Variants in ZNF827 observed in about 807,000 individuals in gnomAD.
ZNF827 encodes the protein zinc finger protein 827.
ZNF827 carries 13 observed loss-of-function variants against 102.4 expected under a neutral mutation model. That is an observed-to-expected ratio of 0.13 (90% confidence interval 0.08 to 0.20). The LOEUF (loss-of-function observed/expected upper bound fraction) is 0.20, where lower values mean the gene tolerates loss of function less well. Ranked by LOEUF, ZNF827 falls within the 10% of genes least tolerant of loss-of-function variation. ZNF827 has a pLI of 1.00. For synonymous variants in ZNF827, 523 were observed against 536.2 expected, an observed-to-expected ratio of 0.98 and a Z score of 0.34; for missense variants, 1,103 against 1,344.4, an observed-to-expected ratio of 0.82 and a Z score of 2.81.
In ZNF827 at chr4:145,885,347, C is replaced by G. The variant is rs115685090; in HGVS notation, c.1747+331G>C. 1.3e-5 allele frequency among the ~76,000 whole-genome samples: 2 copies of G among 151,974 alleles called. 1 individual carries two copies. Among genetic ancestry groups the G allele is most frequent in the South Asian group, 4.1e-4 (2 of 4,824 alleles). ...ATGTTAAACAGGGCCCAATGTCACA[C>G]AAGCAACTGACACAAGCCTGGCTTA... On this transcript the variant is annotated intron_variant, in intron 4 of 14. Transcript: ENST00000508784.
At chr4:145,852,627 C>G (rs891137961) in intron 5 of ZNF827, among the ~76,000 whole-genome samples, 1 of 152,072 alleles carries the variant, frequency 6.6e-6, no homozygotes, top group Admixed American at 6.5e-5. Flanking sequence ...TTCTCAACCT[C>G]GGTACTACTG....
chr4:145,875,695 C>T (rs1367054252), intron 4 of ZNF827, among the ~76,000 whole-genome samples: 1 of 152,138 alleles, frequency 6.6e-6, no homozygotes, highest in Non-Finnish European at 1.5e-5. Flanking sequence ...TCCTTCAGTT[C>T]AACGTATGGC....
chr4:145,829,655 C>T (rs1223464973), intron 7 of ZNF827, among the ~76,000 whole-genome samples: 1 of 152,190 alleles, frequency 6.6e-6, no homozygotes, highest in Non-Finnish European at 1.5e-5. Flanking sequence ...GAAGTCCCAG[C>T]GTGGGGTACA....
chr4:145,839,810 C>T (rs1354921248), intron 7 of ZNF827, among the ~76,000 whole-genome samples: 4 of 152,118 alleles, frequency 2.6e-5, no homozygotes, highest in African/African-American at 4.8e-5. Context: ...GTTATAAAAA[C>T]GAGAGAATAC....
At chr4:145,812,973 A>C (rs1004929218) in intron 8 of ZNF827, among the ~76,000 whole-genome samples, 2 of 152,176 alleles carry the variant, frequency 1.3e-5, no homozygotes, top group African/African-American at 4.8e-5. Flanking sequence ...ACATTTCATA[A>C]GTTAAAAAAA....
intron 8 of ZNF827, among the ~76,000 whole-genome samples, chr4:145,787,934 G>A (rs1284350177): frequency 6.6e-6 from 1 of 152,112 alleles, no homozygotes; most frequent in Non-Finnish European, 1.5e-5. Context: ...CCAAACCCAA[G>A]ATCAAGGAGG....
chr4:145,872,759 C>T (rs567206435), intron 4 of ZNF827, among the ~76,000 whole-genome samples: 86 of 151,482 alleles, frequency 5.7e-4, no homozygotes, highest in Admixed American at 1.3e-3. Context: ...CCTGTAATCC[C>T]AGCTACTCGG....
At chr4:145,784,602 G>C (rs1738580854) in intron 8 of ZNF827, among the ~76,000 whole-genome samples, 1 of 152,040 alleles carries the variant, frequency 6.6e-6, no homozygotes, top group Non-Finnish European at 1.5e-5. Flanking sequence ...AGATTACTCA[G>C]GAATTTCCTT....
At chr4:145,784,288 C>T (rs1179019671) in intron 8 of ZNF827, among the ~76,000 whole-genome samples, 8 of 152,218 alleles carry the variant, frequency 5.3e-5, no homozygotes, top group Non-Finnish European at 1.2e-4. Context: ...ACGCCAGCAA[C>T]CACCCACTTT....
chr4:145,839,592 A>G (rs1745218200), intron 7 of ZNF827: 1 of 152,218 alleles, frequency 6.6e-6, no homozygotes, highest in Non-Finnish European at 1.5e-5. Context: ...ACAGAGGCCA[A>G]CCCTTGAAAG....
At chr4:145,772,602 A>C (rs1388964825) in intron 11 of ZNF827, among the ~76,000 whole-genome samples, 4 of 152,220 alleles carry the variant, frequency 2.6e-5, no homozygotes, top group Non-Finnish European at 5.9e-5. Flanking sequence ...TCAACAGCCG[A>C]GTTGAGTAGT....
chr4:145,921,181 C>T (rs1165393547), intron 1 of ZNF827, among the ~76,000 whole-genome samples: 3 of 151,986 alleles, frequency 2.0e-5, no homozygotes, highest in Non-Finnish European at 2.9e-5. Context: ...GAAAAGAATA[C>T]GCCAAGAAAA....
At chr4:145,910,918 G>A (rs1033968262) in intron 1 of ZNF827, among the ~76,000 whole-genome samples, 1 of 152,150 alleles carries the variant, frequency 6.6e-6, no homozygotes, top group Non-Finnish European at 1.5e-5. Context: ...TACAAGCTCC[G>A]AGGGAGGACT....
At chr4:145,918,314 A>G (rs1301918001) in intron 1 of ZNF827, among the ~76,000 whole-genome samples, 1 of 144,348 alleles carries the variant, frequency 6.9e-6, no homozygotes, top group Non-Finnish European at 1.5e-5. Context: ...AAACATAAAA[A>G]CTATTCTTAG....
Position 145,758,999 on chromosome 4 carries a change from T to G in ZNF827, c.*2617A>C, listed in dbSNP as rs950179010. 1 of 152,216 alleles carries G rather than the reference T, an allele frequency of 6.6e-6. No individual in the cohort carries two copies. The highest frequency in any genetic ancestry group is 2.4e-5 in the African/African-American group (1 of 41,438). 9.4% of individuals were successfully genotyped at this position (152,216 alleles called of 1,614,324 possible). A position where few individuals can be genotyped will look rare whatever the true frequency, so the allele number is the denominator to read the frequency against. The stretch of plus-strand genomic sequence containing the variant: ...GGAGCTTTCAGCAAAGCAAACTGAC[T>G]AGAGGAAGAACATTAGGGATGCTTT... On this transcript the variant is annotated 3_prime_UTR_variant, in exon 15 of 15. Coordinates refer to ENST00000508784, the MANE Select transcript of ZNF827 (RefSeq NM_001306215.2).
chr4:145,905,602 C>T (rs1158475901), intron 1 of ZNF827, among the ~76,000 whole-genome samples: 1 of 152,170 alleles, frequency 6.6e-6, no homozygotes, highest in Non-Finnish European at 1.5e-5. Context: ...ACCCTAAACT[C>T]ATCATTTCCC....
rs567109361 is a variant in ZNF827, at chr4:145,812,850, A to T, written c.2383+10572T>A. On this transcript the variant is annotated intron_variant, in intron 8 of 14. Coordinates refer to ENST00000508784, the MANE Select transcript of ZNF827 (RefSeq NM_001306215.2). ...ACCTAAACCATTTTATTCTAAAAGGAGAGTTACTTCATGGGACAGTCGTCC... is the reference window on the plus strand; with the variant it reads ...ACCTAAACCATTTTATTCTAAAAGGTGAGTTACTTCATGGGACAGTCGTCC... 2.6e-5 allele frequency among the ~76,000 whole-genome samples: 4 copies of T among 152,284 alleles called. No homozygotes were observed. In the South Asian group the frequency reaches 8.3e-4, roughly 32 times the overall value.
At chr4:145,786,008 A>G (rs2127020943) in intron 8 of ZNF827, among the ~76,000 whole-genome samples, 1 of 152,338 alleles carries the variant, frequency 6.6e-6, no homozygotes, top group East Asian at 1.9e-4. Context: ...AACAAGAGGA[A>G]GATCAACTAG....
At chr4:145,775,732 A>G in intron 10 of ZNF827, 57 bp downstream of exon 10, 1 of 1,598,578 alleles carries the variant, frequency 6.3e-7, no homozygotes, top group Non-Finnish European at 8.6e-7. Context: ...ACAGGTAGGA[A>G]GTGTTGAAGT....
Sources: allele counts gnomAD v4.1 joint callset (sites outside exome capture counted in the v4.1 genomes callset), GRCh38; gene constraint gnomAD v4.1.1; transcripts MANE v1.5; gene names NCBI Gene and HGNC (gene_info 2026-07-23, HGNC 2026-07-21).